The following CSMD1 variants were observed in gnomAD, a reference collection of about 807,000 sequenced individuals.
CSMD1 encodes the protein CUB and Sushi multiple domains 1.
A neutral mutation model predicts 417.5 loss-of-function variants in CSMD1; 213 were observed. The ratio of observed to expected loss-of-function variants is 0.51; its 90% CI spans 0.46 to 0.57. The LOEUF (loss-of-function observed/expected upper bound fraction) is 0.57. Ranked by LOEUF, CSMD1 falls within the 20% of genes least tolerant of loss-of-function variation. The probability of loss-of-function intolerance (pLI) is 0.00; values close to 1 mark genes in which losing one functional copy is unlikely to be tolerated. For synonymous variants in CSMD1, 2,862 were observed against 1,736.8 expected (o/e 1.65, Z -16.11); for missense variants, 6,923 against 4,529.7 (o/e 1.53, Z -15.17).
intron 1 of CSMD1, among the ~76,000 whole-genome samples, chr8:4,834,605 C>A (rs920601973): frequency 6.6e-6 from 1 of 151,640 alleles, no homozygotes; most frequent in African/African-American, 2.4e-5. Flanking sequence ...ACAACGTGGT[C>A]CAGGATAAAG....
chr8:4,737,678 C>A (rs1268506477), intron 1 of CSMD1, among the ~76,000 whole-genome samples: 1 of 152,080 alleles, frequency 6.6e-6, no homozygotes, highest in Non-Finnish European at 1.5e-5. Flanking sequence ...TGGATGAATG[C>A]AAGGAATAAA....
intron 6 of CSMD1, among the ~76,000 whole-genome samples, chr8:3,717,614 C>G (rs765728847): frequency 1.3e-5 from 2 of 152,066 alleles, no homozygotes; most frequent in African/African-American, 2.4e-5. Flanking sequence ...AAACCCATCA[C>G]CACAGACAAC....
At chr8:3,627,818 T>C (rs1355608592) in intron 7 of CSMD1, among the ~76,000 whole-genome samples, 1 of 152,212 alleles carries the variant, frequency 6.6e-6, no homozygotes, top group Non-Finnish European at 1.5e-5. Context: ...AGCTGATAAA[T>C]ATATTAAGGT....
At chr8:4,111,130 T>A (rs879934015) in intron 3 of CSMD1, among the ~76,000 whole-genome samples, 12 of 152,148 alleles carry the variant, frequency 7.9e-5, no homozygotes, top group Non-Finnish European at 1.6e-4. Context: ...TTTGCTCTGG[T>A]TTGGTTCGTA....
intron 3 of CSMD1, among the ~76,000 whole-genome samples, chr8:4,306,794 C>T (rs2128876602): frequency 6.6e-6 from 1 of 151,972 alleles, no homozygotes; most frequent in Non-Finnish European, 1.5e-5. Context: ...TTCTTTCTTC[C>T]ATTCTCCATA....
At chr8:3,028,201 C>T (rs1219817807) in intron 51 of CSMD1, among the ~76,000 whole-genome samples, 2 of 152,116 alleles carry the variant, frequency 1.3e-5, no homozygotes, top group Non-Finnish European at 1.5e-5. Flanking sequence ...ATGATGTTGG[C>T]GGGAAGAGTC....
intron 2 of CSMD1, among the ~76,000 whole-genome samples, chr8:4,478,127 G>A (rs1392262306): frequency 1.3e-5 from 2 of 152,054 alleles, no homozygotes; most frequent in African/African-American, 2.4e-5. Context: ...ACGTTCACAG[G>A]CCTAGTGCCT....
chr8:4,892,457 A>G (rs1307095609), intron 1 of CSMD1, among the ~76,000 whole-genome samples: 1 of 152,072 alleles, frequency 6.6e-6, no homozygotes, highest in African/African-American at 2.4e-5. Flanking sequence ...AAATAGGTTC[A>G]TGTCTTTTAA....
chr8:3,118,608 A>T, intron 41 of CSMD1, 21 bp from the exon 42 acceptor site: 1 of 1,605,244 alleles, frequency 6.2e-7, no homozygotes, highest in Non-Finnish European at 8.5e-7. Flanking sequence ...CAAACAGACA[A>T]AATAAAGCTT....
rs113493960 is a variant in CSMD1 at position 4,296,821 on chromosome 8, C to G, written c.415+123132G>C. On this transcript the variant is annotated intron_variant, in intron 3 of 69. Transcript: ENST00000635120. ...TAGAAAATGTGATTATTGTATTCAT[C>G]TGAAGATATCTGTGGAGGGCCTGCT... 6.0e-3 allele frequency among the ~76,000 whole-genome samples: 871 copies of G among 145,584 alleles called. 7 individuals are homozygous for G. Among genetic ancestry groups the G allele is most frequent in the African/African-American group, 0.021 (839 of 39,732 alleles).
intron 26 of CSMD1, among the ~76,000 whole-genome samples, chr8:3,263,321 A>G (rs1405699350): frequency 6.6e-6 from 1 of 152,060 alleles, no homozygotes; most frequent in African/African-American, 2.4e-5. Flanking sequence ...CTAGTCTCGA[A>G]CTCCTGGCCT....
At chr8:3,675,240 C>A (rs1210634440) in intron 7 of CSMD1, among the ~76,000 whole-genome samples, 4 of 152,138 alleles carry the variant, frequency 2.6e-5, no homozygotes, top group African/African-American at 9.7e-5. Flanking sequence ...ACCTGTTGGT[C>A]TTCATTGACC....
At chr8:3,922,220 C>A (rs1396041998) in intron 5 of CSMD1, among the ~76,000 whole-genome samples, 1 of 152,010 alleles carries the variant, frequency 6.6e-6, no homozygotes, top group East Asian at 1.9e-4. Context: ...TAACCACTTG[C>A]ATAAAAATAT....
At chr8:4,026,889 A>T (rs1797090736) in intron 4 of CSMD1, among the ~76,000 whole-genome samples, 1 of 152,112 alleles carries the variant, frequency 6.6e-6, no homozygotes, top group African/African-American at 2.4e-5. Context: ...AAGGTGTAGT[A>T]TGCTGCTGAG....
At position 3,420,542 on chromosome 8, in the gene CSMD1, G is replaced by A. The variant is rs1000310551; in HGVS notation, c.1562-10937C>T. On this transcript the variant is annotated intron_variant, in intron 12 of 69. Coordinates refer to ENST00000635120, the MANE Select transcript of CSMD1 (RefSeq NM_033225.6). ...TATTAAATATAGGGAAACTGGCTGT[G>A]GGGTGGACAGAAATGCTCTGTACTA... Among the ~76,000 whole-genome samples, 8 of 149,878 alleles carry A rather than the reference G, an allele frequency of 5.3e-5. No individual in the cohort carries two copies. The East Asian group carries it at 8.8e-4, about 16-fold the overall frequency.
chr8:3,188,442 G>A (rs954429408), intron 35 of CSMD1, among the ~76,000 whole-genome samples: 1 of 150,750 alleles, frequency 6.6e-6, no homozygotes, highest in South Asian at 2.1e-4. Flanking sequence ...TAGCAGCTAG[G>A]ATTACAGGCG....
intron 5 of CSMD1, among the ~76,000 whole-genome samples, chr8:3,863,636 C>T (rs576304602): frequency 2.6e-4 from 40 of 152,286 alleles, no homozygotes; most frequent in African/African-American, 9.1e-4. Flanking sequence ...ACTTCAGCTA[C>T]TGTAAGTTAC....
intron 1 of CSMD1, among the ~76,000 whole-genome samples, chr8:4,669,497 C>T (rs1043949173): frequency 6.6e-6 from 1 of 152,140 alleles, no homozygotes; most frequent in African/African-American, 2.4e-5. Flanking sequence ...AGTCATCTTT[C>T]CTTTCTGCCT....
intron 6 of CSMD1, among the ~76,000 whole-genome samples, chr8:3,744,895 G>A (rs1353860374): frequency 6.6e-6 from 1 of 152,154 alleles, no homozygotes; most frequent in Non-Finnish European, 1.5e-5. Context: ...CAAACATGCT[G>A]AGCGCTTTAG....
Sources: gnomAD v4.1 joint callset for allele counts (sites outside exome capture counted in the v4.1 genomes callset) on GRCh38, gnomAD v4.1.1 for gene constraint, MANE v1.5 for transcripts, NCBI Gene and HGNC (gene_info 2026-07-23, HGNC 2026-07-21) for gene names.